KANSL1: variants seen among roughly 807,000 people sequenced by gnomAD.
The protein encoded by KANSL1 is KAT8 regulatory NSL complex subunit 1.
In KANSL1, 22 loss-of-function variants were observed where a neutral mutation model predicts 103.6. That is an observed-to-expected ratio of 0.21 (90% confidence interval 0.15 to 0.30). The LOEUF is 0.30. Among genes scored for constraint, KANSL1 ranks in the 10% least tolerant of loss-of-function variants. The probability of loss-of-function intolerance (pLI) is 1.00; values close to 1 mark genes in which losing one functional copy is unlikely to be tolerated. For missense variants in KANSL1, 1,337 were observed against 1,399.8 expected (o/e 0.96, Z 0.72); for synonymous variants, 600 against 527.6 (o/e 1.14, Z -1.88).
intron 6 of KANSL1, among the ~76,000 whole-genome samples, chr17:46,064,377 A>G (rs1362610123): frequency 6.6e-6 from 1 of 152,178 alleles, no homozygotes; most frequent in Non-Finnish European, 1.5e-5. Flanking sequence ...TGGCTCTCTT[A>G]AGAAAAATTC....
intron 2 of KANSL1, among the ~76,000 whole-genome samples, chr17:46,138,547 A>G (rs1203957417): frequency 6.6e-6 from 1 of 152,260 alleles, no homozygotes; most frequent in Non-Finnish European, 1.5e-5. Context: ...TCGTGGAACA[A>G]GTCATCCAAG....
At chr17:46,114,242 C>G (rs1223753144) in intron 2 of KANSL1, among the ~76,000 whole-genome samples, 2 of 152,142 alleles carry the variant, frequency 1.3e-5, no homozygotes, top group African/African-American at 4.8e-5. Context: ...GCCTGTTGTC[C>G]CAGCTACTCG....
upstream of KANSL1, chr17:46,193,691 G>A (rs1483590928): frequency 1.0e-5 from 3 of 297,444 alleles, no homozygotes; most frequent in South Asian, 2.3e-5. Context: ...GTGCGGCGAC[G>A]GCACGCAGCA....
intron 1 of KANSL1, chr17:46,215,079 A>G (rs892812440): frequency 6.6e-6 from 1 of 152,504 alleles, no homozygotes; most frequent in Middle Eastern, 3.4e-3. Flanking sequence ...TTTAAGGCTA[A>G]TCAAGTGAAG....
chr17:46,031,488 C>T lies in KANSL1; in HGVS notation c.3306G>A (p.Pro1102=), dbSNP rs143746890. ...GGCTGTCTCCCGCTCATCTGTGAGT[C>T]GGGCGCTGAGCTGTGGCTGCTGCCA... is the stretch of plus-strand genomic sequence containing the variant. ...HLVAAATAQR[P]THR The change falls in exon 15 of 15, where the codon CCG becomes CCA. Residue 1102 remains proline, a synonymous_variant. Transcript: ENST00000432791. The T allele has an allele frequency of 9.8e-5, 158 of 1,608,706 alleles. 1 individual carries two copies. The highest frequency in any genetic ancestry group is 1.8e-4 in the East Asian group (8 of 44,800).
upstream of KANSL1, among the ~76,000 whole-genome samples, chr17:46,195,832 A>G (rs1253339073): frequency 6.6e-6 from 1 of 152,224 alleles, no homozygotes; most frequent in Admixed American, 6.5e-5. Context: ...GCCACCACAC[A>G]AAAATCTTAT....
chr17:46,114,270 AAT>A lies in KANSL1; in HGVS notation c.1290-19571_1290-19570del, dbSNP rs1381810514. The stretch of plus-strand genomic sequence containing the variant: ...GCTACTCGGGAGGCTGAGGCAGGAG[AAT>A]CGCTTGAACCCAGGAGGCGGAGGTT... On this transcript the variant is annotated intron_variant, in intron 2 of 14. Coordinates refer to ENST00000432791, the MANE Select transcript of KANSL1 (RefSeq NM_015443.4). Among the ~76,000 whole-genome samples, 196 of 152,210 alleles carry A rather than the reference AAT, an allele frequency of 1.3e-3. 5 individuals are homozygous for A. The highest frequency in any genetic ancestry group is 0.013 in the Admixed American group (195 of 15,278).
intron 6 of KANSL1, among the ~76,000 whole-genome samples, chr17:46,065,584 A>C (rs1437796796): frequency 6.6e-6 from 1 of 152,134 alleles, no homozygotes; most frequent in African/African-American, 2.4e-5. Flanking sequence ...GAGGCTTTGG[A>C]GAGGAGTGGA....
chr17:46,087,145 C>G (rs1322366918), intron 3 of KANSL1, among the ~76,000 whole-genome samples: 1 of 152,210 alleles, frequency 6.6e-6, no homozygotes, highest in Non-Finnish European at 1.5e-5. Context: ...GTCAGAGACA[C>G]TGCCAAGGTT....
At chr17:46,096,006 G>A (rs2042045668) in intron 2 of KANSL1, among the ~76,000 whole-genome samples, 1 of 152,086 alleles carries the variant, frequency 6.6e-6, no homozygotes, top group East Asian at 1.9e-4. Context: ...GCCAACAGGT[G>A]GTGAGAAATG....
chr17:46,106,116 T>C (rs1472637577), intron 2 of KANSL1, among the ~76,000 whole-genome samples: 2 of 152,228 alleles, frequency 1.3e-5, no homozygotes, highest in Non-Finnish European at 2.9e-5. Flanking sequence ...ACATCTTCTT[T>C]CTCACTTTGA....
intron 7 of KANSL1, chr17:46,043,113 A>G (rs2077383716): frequency 6.6e-6 from 1 of 152,186 alleles, no homozygotes. Flanking sequence ...GAATGTATAA[A>G]AGAGGCTCAA....
At chr17:46,116,369 A>T (rs976970598) in intron 2 of KANSL1, among the ~76,000 whole-genome samples, 24 of 152,118 alleles carry the variant, frequency 1.6e-4, no homozygotes, top group Admixed American at 1.4e-3. Context: ...TCTCTACTAA[A>T]AACACAAAAA....
rs1444893984 is a variant in KANSL1 at position 46,141,508 on chromosome 17, C to T, written c.1289+29347G>A. On this transcript the variant is annotated intron_variant, in intron 2 of 14. Transcript: ENST00000432791. ...CTATGCAATACTTTACATTTATTTA[C>T]AAACGGTCTATCTTACACTAAGCTC... is the stretch of plus-strand genomic sequence containing the variant. 3.3e-5 allele frequency among the ~76,000 whole-genome samples: 5 copies of T among 152,354 alleles called. No individual in the cohort carries two copies. In the East Asian group the frequency reaches 9.6e-4, roughly 29 times the overall value.
intron 2 of KANSL1, among the ~76,000 whole-genome samples, chr17:46,115,862 G>A (rs933319648): frequency 1.3e-5 from 2 of 152,208 alleles, no homozygotes; most frequent in Non-Finnish European, 2.9e-5. Context: ...GCTGCATACA[G>A]ACATCAGGCA....
At chr17:46,039,590 G>A (rs544672172) in intron 8 of KANSL1, 112 bp downstream of exon 8, 177 of 1,204,030 alleles carry the variant, frequency 1.5e-4, no homozygotes, top group Non-Finnish European at 1.9e-4. Flanking sequence ...ATTTTTTATC[G>A]GTCAACTGCC....
At chr17:46,036,974 C>T (rs2077169928) in intron 10 of KANSL1, among the ~76,000 whole-genome samples, 1 of 152,114 alleles carries the variant, frequency 6.6e-6, no homozygotes, top group African/African-American at 2.4e-5. Flanking sequence ...AGCCGCCTCC[C>T]CAAGTGCTGG....
chr17:46,126,189 C>T (rs1266829326), intron 2 of KANSL1, among the ~76,000 whole-genome samples: 1 of 152,162 alleles, frequency 6.6e-6, no homozygotes, highest in Non-Finnish European at 1.5e-5. Flanking sequence ...ACAGTGTAAT[C>T]CCAGCACTTT....
chr17:46,149,922 T>TGA (rs2044989247), intron 2 of KANSL1, among the ~76,000 whole-genome samples: 2 of 151,936 alleles, frequency 1.3e-5, no homozygotes, highest in Admixed American at 1.3e-4. Flanking sequence ...CTCGGGAGGC[T>TGA]GAGGCAGGAG....
Sources: gnomAD v4.1 joint callset for allele counts (sites outside exome capture counted in the v4.1 genomes callset) on GRCh38, gnomAD v4.1.1 for gene constraint, MANE v1.5 for transcripts, NCBI Gene and HGNC (gene_info 2026-07-23, HGNC 2026-07-21) for gene names.